RILPL1: variants seen among roughly 807,000 people sequenced by gnomAD.
RILPL1 encodes RILP-like protein 1.
A neutral mutation model predicts 50.3 loss-of-function variants in RILPL1; 33 were observed. The ratio of observed to expected loss-of-function variants is 0.66; its 90% CI spans 0.50 to 0.88. The LOEUF is 0.88. RILPL1 is among the 40% of genes least tolerant of loss of function. RILPL1 has a pLI of 0.00. For synonymous variants in RILPL1, 205 were observed against 228.6 expected, an observed-to-expected ratio of 0.90 and a Z score of 0.93; for missense variants, 418 against 542.5, an observed-to-expected ratio of 0.77 and a Z score of 2.28.
At chr12:123,525,177 A>G (rs527640559) in intron 1 of RILPL1, among the ~76,000 whole-genome samples, 198 of 151,894 alleles carry the variant, frequency 1.3e-3, no homozygotes, top group Non-Finnish European at 2.3e-3. Context: ...TGGTGATCAT[A>G]ATGACGGCTG....
At chr12:123,523,911 C>T (rs1885157888) in intron 1 of RILPL1, among the ~76,000 whole-genome samples, 5 of 152,234 alleles carry the variant, frequency 3.3e-5, no homozygotes, top group Admixed American at 3.3e-4. Flanking sequence ...AAAGCTAATG[C>T]CGCATCTTGG....
In RILPL1 at chr12:123,498,207, T is replaced by TTC. The variant is rs113125813; in HGVS notation, c.801+335_801+336dup. 0.026 allele frequency among the ~76,000 whole-genome samples: 3,931 copies of TTC among 151,034 alleles called. 79 individuals carry two copies. Among genetic ancestry groups the TTC allele is most frequent in the Admixed American group, 0.06 (901 of 15,116 alleles). The stretch of plus-strand genomic sequence containing the variant: ...TTGTTCTCTCTGAGCCTCTCGTTTT[T>TTC]TCTCTCTCTCTCTCTCTCTTTTTTT... On this transcript the variant is annotated intron_variant, in intron 4 of 6. Coordinates refer to ENST00000376874, the MANE Select transcript of RILPL1 (RefSeq NM_178314.5). This position sits in a 1 kb window ranked among gnomAD's most constrained non-coding sequence, Gnocchi z 4.3.
At chr12:123,506,838 C>T (rs1395102685) in intron 2 of RILPL1, among the ~76,000 whole-genome samples, 1 of 152,140 alleles carries the variant, frequency 6.6e-6, no homozygotes, top group Non-Finnish European at 1.5e-5. Context: ...CCACCGATGG[C>T]CATGGGGGGC....
rs371346379 is a variant in RILPL1 at position 123,477,337 on chromosome 12, CTTTTTT to C, written c.1068-4661_1068-4656del. Among the ~76,000 whole-genome samples, 6 of 105,372 alleles carry C rather than the reference CTTTTTT, an allele frequency of 5.7e-5. No individual in the cohort carries two copies. The East Asian group carries it at 1.5e-3, about 26-fold the overall frequency. The allele number at this position is 105,372 out of a possible 152,430, so 69.1% of individuals were successfully genotyped here. A position where few individuals can be genotyped will look rare whatever the true frequency, so the allele number is the denominator to read the frequency against. ...GTTGGTATCTTTTCTTTCTTTCTTT[CTTTTTT>C]TTTTTTTTTTTTTTTGAGACAGTCT... On this transcript the variant is annotated intron_variant, in intron 6 of 6. Coordinates refer to ENST00000376874, the MANE Select transcript of RILPL1 (RefSeq NM_178314.5).
chr12:123,511,551 T>G, intron 2 of RILPL1, among the ~76,000 whole-genome samples: 1 of 128,492 alleles, frequency 7.8e-6, no homozygotes, highest in Non-Finnish European at 1.7e-5. Context: ...CTGTGTGAGG[T>G]CTGTGTGTGT....
At chr12:123,512,794 TGTGTGTGTGTGGTGTG>T (rs1884433326) in intron 2 of RILPL1, among the ~76,000 whole-genome samples, 1 of 141,670 alleles carries the variant, frequency 7.1e-6, no homozygotes. Flanking sequence ...GTGAGGTTTG[TGTGTGTGTGTGGTGTG>T]AGATCTGTGT....
At chr12:123,503,180 C>A (rs1883510741) in intron 2 of RILPL1, among the ~76,000 whole-genome samples, 1 of 134,160 alleles carries the variant, frequency 7.5e-6, no homozygotes, top group Non-Finnish European at 1.6e-5. Flanking sequence ...AACCACCACG[C>A]CTGGCCTTTT....
intron 6 of RILPL1, chr12:123,475,699 G>T: frequency 1.9e-6 from 3 of 1,594,150 alleles, no homozygotes; most frequent in South Asian, 2.2e-5. Context: ...GCAGTGTGGG[G>T]TCATCTATTA....
chr12:123,521,714 T>C (rs1268154406), intron 2 of RILPL1, among the ~76,000 whole-genome samples: 1 of 124,958 alleles, frequency 8.0e-6, no homozygotes, highest in African/African-American at 3.0e-5. Flanking sequence ...TATATAAATA[T>C]ATATATACAC....
intron 1 of RILPL1, among the ~76,000 whole-genome samples, chr12:123,530,829 A>C (rs1170197448): frequency 1.3e-5 from 2 of 152,212 alleles, no homozygotes; most frequent in African/African-American, 4.8e-5. Flanking sequence ...ATGGCCTGTC[A>C]TCAGAGTTGC....
chr12:123,484,195 G>C lies in RILPL1; in HGVS notation c.1052C>G (p.Ser351Trp). Residue 351 changes from serine (S) to tryptophan (W), a missense_variant, in exon 6 of 7, where the codon TCG becomes TGG. Ser to Trp is a radical substitution (Grantham distance 177, BLOSUM62 -3). Transcript: ENST00000376874. ...CATCACTTACAGTCGCTTGATGCCC[G>C]ACTCCGGCTGGGGGGACGTCCTCGG... ...AHPRTSPQPE[S>W]GIKRLFSFFS... 6.2e-7 allele frequency: 1 copy of C among 1,605,656 alleles called. No individual in the cohort carries two copies. Among genetic ancestry groups the C allele is most frequent in the Non-Finnish European group, 8.5e-7 (1 of 1,172,936 alleles).
chr12:123,476,840 C>A (rs1469759928), intron 6 of RILPL1, among the ~76,000 whole-genome samples: 1 of 152,200 alleles, frequency 6.6e-6, no homozygotes, highest in Non-Finnish European at 1.5e-5. Context: ...ATATGACAGC[C>A]AACGAGGGAT....
At chr12:123,483,336 G>T (rs185280476) in intron 6 of RILPL1, among the ~76,000 whole-genome samples, 1 of 152,214 alleles carries the variant, frequency 6.6e-6, no homozygotes, top group East Asian at 1.9e-4. Context: ...CCCTAGGCAG[G>T]TGCCTCTGTT....
intron 4 of RILPL1, among the ~76,000 whole-genome samples, chr12:123,488,172 C>T (rs1882461807): frequency 6.6e-6 from 1 of 152,104 alleles, no homozygotes; most frequent in Admixed American, 6.6e-5. Context: ...GGCACCGTGG[C>T]TCACACTCCT....
chr12:123,486,066 T>C (rs78720710), intron 4 of RILPL1, among the ~76,000 whole-genome samples: 3,820 of 151,924 alleles, frequency 0.025, 175 homozygotes, highest in African/African-American at 0.088. Flanking sequence ...CGACTTGGGG[T>C]TTCATTACAA....
chr12:123,531,582 T>C (rs759262027), intron 1 of RILPL1, among the ~76,000 whole-genome samples: 1 of 152,128 alleles, frequency 6.6e-6, no homozygotes, highest in Non-Finnish European at 1.5e-5. Context: ...GGTTTCCTAA[T>C]ATGAGCCTGT....
intron 1 of RILPL1, among the ~76,000 whole-genome samples, chr12:123,525,194 T>C (rs1192075473): frequency 6.6e-6 from 1 of 151,668 alleles, no homozygotes; most frequent in Admixed American, 6.6e-5. Context: ...GCTGCAAAAC[T>C]CTAAAAACCA....
chr12:123,483,087 C>CAGGAA, intron 6 of RILPL1, among the ~76,000 whole-genome samples: 1 of 152,374 alleles, frequency 6.6e-6, no homozygotes, highest in Non-Finnish European at 1.5e-5. Context: ...TTCCAACCCA[C>CAGGAA]ACGCCCTGTT....
chr12:123,495,475 C>A (rs1412122114), intron 4 of RILPL1, among the ~76,000 whole-genome samples: 1 of 143,630 alleles, frequency 7.0e-6, no homozygotes, highest in Admixed American at 7.1e-5. Flanking sequence ...CCTGGGTTCA[C>A]GCCATTCTCC....
Sources: allele counts gnomAD v4.1 joint callset (sites outside exome capture counted in the v4.1 genomes callset), GRCh38; gene constraint gnomAD v4.1.1; non-coding constraint Gnocchi (gnomAD v3.1); transcripts MANE v1.5; gene names NCBI Gene and HGNC (gene_info 2026-07-23, HGNC 2026-07-21).